CLTB: variants seen among roughly 807,000 people sequenced by gnomAD.
The protein encoded by CLTB is clathrin, light chain (Lcb).
In CLTB, 10 loss-of-function variants were observed where a neutral mutation model predicts 30.5. The observed-to-expected ratio is 0.33, with a 90% CI of 0.20 to 0.56. The LOEUF (loss-of-function observed/expected upper bound fraction) is 0.56, where lower values mean the gene tolerates loss of function less well. Among genes scored for constraint, CLTB ranks in the 20% least tolerant of loss-of-function variants. CLTB has a pLI of 0.91. For missense variants in CLTB, 261 were observed against 308.3 expected, an observed-to-expected ratio of 0.85 and a Z score of 1.15; for synonymous variants, 102 against 120.3, an observed-to-expected ratio of 0.85 and a Z score of 1.00.
intron 5 of CLTB, among the ~76,000 whole-genome samples, chr5:176,395,499 C>T (rs1756476001): frequency 6.6e-6 from 1 of 152,226 alleles, no homozygotes; most frequent in Admixed American, 6.5e-5. Flanking sequence ...GGAGGCTTAG[C>T]CTCGACACAT....
At chr5:176,408,616 C>G (rs1757257471) in intron 2 of CLTB, among the ~76,000 whole-genome samples, 1 of 152,018 alleles carries the variant, frequency 6.6e-6, no homozygotes. Context: ...ACCTCCCCAG[C>G]TCAAGCTGTA....
chr5:176,399,457 TG>T (rs1449886884), intron 2 of CLTB, among the ~76,000 whole-genome samples: 1 of 152,046 alleles, frequency 6.6e-6, no homozygotes, highest in Non-Finnish European at 1.5e-5. Context: ...ATTTGAAAAA[TG>T]GGGCTGGGCA....
upstream of CLTB, chr5:176,416,564 G>T: frequency 3.8e-6 from 1 of 261,552 alleles, no homozygotes; most frequent in Non-Finnish European, 6.8e-6. Flanking sequence ...GCGGCGGGAG[G>T]AGCGGAGCCG....
At chr5:176,408,337 C>A (rs1451125896) in intron 2 of CLTB, among the ~76,000 whole-genome samples, 1 of 151,586 alleles carries the variant, frequency 6.6e-6, no homozygotes, top group Non-Finnish European at 1.5e-5. Flanking sequence ...GAGTTCGAGA[C>A]CAGCCTGGCC....
intron 3 of CLTB, 85 bp from the exon 4 acceptor site, chr5:176,397,803 C>A (rs1756618396): frequency 6.6e-7 from 1 of 1,506,558 alleles, no homozygotes. Context: ...CCCTGCCAGG[C>A]AGCCACAGGG....
At chr5:176,415,096 T>A (rs1310832759) in intron 1 of CLTB, among the ~76,000 whole-genome samples, 1 of 152,246 alleles carries the variant, frequency 6.6e-6, no homozygotes, top group Non-Finnish European at 1.5e-5. Flanking sequence ...TTTTACTAAA[T>A]ATTTTACAAA....
intron 2 of CLTB, chr5:176,401,896 A>G: frequency 2.5e-6 from 1 of 394,792 alleles, no homozygotes; most frequent in Non-Finnish European, 5.1e-6. Context: ...TCCTGCCCTC[A>G]CCGCCCCTGG....
rs574259172 is a variant in CLTB, at chr5:176,392,580, G to A, written c.*194C>T. On this transcript the variant is annotated 3_prime_UTR_variant, in exon 6 of 6. Coordinates refer to ENST00000310418, the MANE Select transcript of CLTB (RefSeq NM_007097.5). This position sits in a 1 kb window ranked among gnomAD's most constrained non-coding sequence, Gnocchi z 5.2. ...AATTGAGTAGACTGAGAGGAGGCGTGAGGGGCTGGACCAGAGGGCCAGGAG... is the reference window on the plus strand; with the variant it reads ...AATTGAGTAGACTGAGAGGAGGCGTAAGGGGCTGGACCAGAGGGCCAGGAG... 1.7e-6 allele frequency: 1 copy of A among 596,682 alleles called. No individual in the cohort carries two copies. The highest frequency in any genetic ancestry group is 3.0e-6 in the Non-Finnish European group (1 of 337,106). 37.0% of individuals were successfully genotyped at this position (596,682 alleles called of 1,614,324 possible).
intron 2 of CLTB, among the ~76,000 whole-genome samples, chr5:176,403,964 T>C (rs1409629746): frequency 6.6e-6 from 1 of 151,648 alleles, no homozygotes; most frequent in East Asian, 2.0e-4. Context: ...TTCATCATGT[T>C]GTCCAGGCTG....
At position 176,392,893 on chromosome 5, in the gene CLTB, C is replaced by G; in HGVS notation, c.571G>C (p.Glu191Gln). Residue 191 changes from glutamate (E) to glutamine (Q), a missense_variant, in exon 6 of 6, where the codon GAG becomes CAG. Around this residue, in one of 3 missense-constraint regions of CLTB, gnomAD observed 123 missense variants for 157.0 expected, o/e 0.78. Transcript: ENST00000310418. This position sits in a 1 kb window ranked among gnomAD's most constrained non-coding sequence, Gnocchi z 5.2. Reference protein sequence around the residue: ...KESKEETPGTEWEKVAQLCDF... With the variant: ...KESKEETPGTQWEKVAQLCDF... ...CATAGCTGGGCCACCTTCTCCCACT[C>G]TGTGCCTGGGGTCTCCTCCTTGGAT... The G allele has an allele frequency of 2.5e-6, 4 of 1,614,232 alleles. No homozygotes were observed. The highest frequency in any genetic ancestry group is 3.4e-6 in the Non-Finnish European group (4 of 1,180,028).
At position 176,395,237 on chromosome 5, in the gene CLTB, A is replaced by C. The variant is rs564830283; in HGVS notation, c.518+1242T>G. 1.6e-4 allele frequency among the ~76,000 whole-genome samples: 25 copies of C among 151,918 alleles called. 1 individual carries two copies. In the South Asian group the frequency reaches 5.2e-3, roughly 32 times the overall value. On this transcript the variant is annotated intron_variant, in intron 5 of 5. Coordinates refer to ENST00000310418, the MANE Select transcript of CLTB (RefSeq NM_007097.5). The stretch of plus-strand genomic sequence containing the variant: ...CCCTATCCAGCAAACTCCTTCTCAC[A>C]CTTTAAGGTCAGCTGAAGGTCTTGC...
chr5:176,392,724 C>A lies in CLTB; in HGVS notation c.*50G>T. On this transcript the variant is annotated 3_prime_UTR_variant, in exon 6 of 6. Coordinates refer to ENST00000310418, the MANE Select transcript of CLTB (RefSeq NM_007097.5). The surrounding 1 kb of genome is among the most constrained non-coding windows in gnomAD (Gnocchi z 5.2). ...CACCCCGACCAAAGCAGCTGCTCCT[C>A]CTGTGCCCAGGCCCAGCCCATGCTC... 6.3e-7 allele frequency: 1 copy of A among 1,599,766 alleles called. No individual in the cohort carries two copies. Among genetic ancestry groups the A allele is most frequent in the Non-Finnish European group, 8.5e-7 (1 of 1,169,996 alleles).
intron 2 of CLTB, among the ~76,000 whole-genome samples, chr5:176,398,698 G>A (rs1336644841): frequency 1.3e-5 from 2 of 151,816 alleles, no homozygotes; most frequent in East Asian, 1.9e-4. Flanking sequence ...GGCAACAAGA[G>A]CAAAACCCCG....
At chr5:176,415,572 C>A (rs1211097727) in intron 1 of CLTB, among the ~76,000 whole-genome samples, 6 of 152,204 alleles carry the variant, frequency 3.9e-5, no homozygotes, top group African/African-American at 1.4e-4. Context: ...GGTTTAAATT[C>A]TTGATCTGCC....
chr5:176,399,509 A>G (rs1057099131), intron 2 of CLTB, among the ~76,000 whole-genome samples: 3 of 152,220 alleles, frequency 2.0e-5, no homozygotes, highest in Admixed American at 2.0e-4. Context: ...CGGGAGGCCA[A>G]GGCAGGAGGA....
chr5:176,407,149 G>A (rs1008389107), intron 2 of CLTB, among the ~76,000 whole-genome samples: 2 of 152,318 alleles, frequency 1.3e-5, no homozygotes, highest in South Asian at 4.1e-4. Flanking sequence ...CTCACCCACG[G>A]CTGACAGGTC....
rs566110710 is a variant in CLTB at position 176,394,556 on chromosome 5, G to T, written c.519-1611C>A. Among the ~76,000 whole-genome samples the T allele has an allele frequency of 2.2e-3, 338 of 151,896 alleles. 3 individuals are homozygous for T. The highest frequency in any genetic ancestry group is 0.014 in the Middle Eastern group (4 of 294). On this transcript the variant is annotated intron_variant, in intron 5 of 5. Transcript: ENST00000310418. The stretch of plus-strand genomic sequence containing the variant: ...GGTGTGGCCAGGCGCGGTGGCTCAT[G>T]CCTGTAATCCCAGCACTTTGGGAGG...
chr5:176,397,819 C>G (rs1229616008), intron 3 of CLTB, 101 bp from the exon 4 acceptor site: 2 of 1,464,828 alleles, frequency 1.4e-6, no homozygotes, highest in Admixed American at 1.7e-5. Flanking sequence ...CAGGGCCGCA[C>G]CGGCCCAGTC....
At chr5:176,400,365 A>G (rs1756759612) in intron 2 of CLTB, among the ~76,000 whole-genome samples, 1 of 152,170 alleles carries the variant, frequency 6.6e-6, no homozygotes, top group African/African-American at 2.4e-5. Flanking sequence ...ATTATTATTC[A>G]TTCCCATTTT....
Sources: gnomAD v4.1 joint callset for allele counts (sites outside exome capture counted in the v4.1 genomes callset) on GRCh38, gnomAD v4.1.1 for gene constraint, gnomAD v4.1.1 regional missense constraint, Gnocchi (gnomAD v3.1) non-coding constraint, MANE v1.5 for transcripts, NCBI Gene and HGNC (gene_info 2026-07-23, HGNC 2026-07-21) for gene names.